Variants in GAK observed in about 807,000 individuals in gnomAD.
GAK encodes cyclin-G-associated kinase.
In GAK, 79 loss-of-function variants were observed where a neutral mutation model predicts 143.9. The ratio of observed to expected loss-of-function variants is 0.55; its 90% CI spans 0.46 to 0.66. The LOEUF is 0.66. GAK is among the 30% of genes least tolerant of loss of function. The pLI is 0.00. For missense variants in GAK, 1,693 were observed against 1,779.7 expected (o/e 0.95, Z 0.88); for synonymous variants, 881 against 765.5 (o/e 1.15, Z -2.49).
intron 4 of GAK, among the ~76,000 whole-genome samples, chr4:909,490 C>T (rs926728803): frequency 1.3e-5 from 2 of 151,784 alleles, no homozygotes; most frequent in East Asian, 3.9e-4. Context: ...CAGCCCAGCA[C>T]GGACTGCATG....
rs766995223 is a variant in GAK at position 870,923 on chromosome 4, A to G, written c.2055-19T>C. ...GTCATACCTGCGGTTACAAGTAGAC[A>G]CCACTTAGGAAGGCCACCCAAGTAG... On this transcript the variant is annotated intron_variant, in intron 18 of 27. Coordinates refer to ENST00000314167, the MANE Select transcript of GAK (RefSeq NM_005255.4). The G allele has an allele frequency of 1.9e-6, 3 of 1,593,080 alleles. No individual in the cohort carries two copies. Among genetic ancestry groups the G allele is most frequent in the Admixed American group, 3.6e-5 (2 of 55,942 alleles).
intron 20 of GAK, among the ~76,000 whole-genome samples, chr4:868,223 C>T (rs1328021676): frequency 1.3e-5 from 2 of 152,208 alleles, no homozygotes; most frequent in African/African-American, 4.8e-5. Flanking sequence ...CAGGCCCTTC[C>T]CCTGTACCCA....
intron 1 of GAK, among the ~76,000 whole-genome samples, chr4:931,071 C>T (rs905960583): frequency 6.6e-6 from 1 of 152,180 alleles, no homozygotes; most frequent in African/African-American, 2.4e-5. Flanking sequence ...ACTTCACAGC[C>T]AGTGAAATAT....
In GAK at chr4:850,042, C is replaced by T; in HGVS notation, c.3684G>A (p.Glu1228=). 2 of 1,593,960 alleles carry T rather than the reference C, an allele frequency of 1.3e-6. No homozygotes were observed. Among genetic ancestry groups the T allele is most frequent in the South Asian group, 1.1e-5 (1 of 89,312 alleles). ...LKLLDWIEGK[E]RNIRALLSTL... is the part of the protein sequence containing the mutation. ...TGGACAGCAGGGCCCGGATGTTCCGCTCCTTGCCCTCAATCCAGTCCAGGA... is the reference window on the plus strand; with the variant it reads ...TGGACAGCAGGGCCCGGATGTTCCGTTCCTTGCCCTCAATCCAGTCCAGGA... Residue 1228 remains glutamate, a synonymous_variant, in exon 27 of 28, where the codon GAG becomes GAA. Coordinates refer to ENST00000314167, the MANE Select transcript of GAK (RefSeq NM_005255.4).
rs540483728 is a variant in GAK, at chr4:874,284, C to G, written c.2054+2246G>C. Among the ~76,000 whole-genome samples the G allele has an allele frequency of 1.6e-3, 245 of 152,298 alleles. 1 individual carries two copies. Among genetic ancestry groups the G allele is most frequent in the Non-Finnish European group, 2.7e-3 (181 of 68,024 alleles). On this transcript the variant is annotated intron_variant, in intron 18 of 27. Coordinates refer to ENST00000314167, the MANE Select transcript of GAK (RefSeq NM_005255.4). ...AGGACGTTAGTATTGGTGTTTTAAG[C>G]AGCTGGTGCTGGTGTCATTTCACCA...
chr4:874,310 CAG>C (rs1346135086), intron 18 of GAK, among the ~76,000 whole-genome samples: 3 of 152,226 alleles, frequency 2.0e-5, no homozygotes, highest in Admixed American at 6.5e-5. Flanking sequence ...CATTTCACCA[CAG>C]AGTCATGCAT....
At chr4:895,271 C>T (rs745494979) in intron 7 of GAK, among the ~76,000 whole-genome samples, 3 of 152,222 alleles carry the variant, frequency 2.0e-5, no homozygotes, top group South Asian at 4.1e-4. Flanking sequence ...AGCGACTTCT[C>T]GTCAATCACC....
chr4:905,506 C>A lies in GAK; in HGVS notation c.383-727G>T, dbSNP rs959339126. On this transcript the variant is annotated intron_variant, in intron 4 of 27. Coordinates refer to ENST00000314167, the MANE Select transcript of GAK (RefSeq NM_005255.4). ...ACGGACTCCGCCACGCCCCATGCCA[C>A]GCTACGGACTCCGCCACGCCCCATG... Among the ~76,000 whole-genome samples, 3 of 149,794 alleles carry A rather than the reference C, an allele frequency of 2.0e-5. No homozygotes were observed. In the South Asian group the frequency reaches 6.4e-4, roughly 32 times the overall value.
chr4:912,203 A>C (rs1722168515), intron 3 of GAK: 1 of 453,504 alleles, frequency 2.2e-6, no homozygotes, highest in Non-Finnish European at 4.5e-6. Context: ...GCAGAGTCTG[A>C]GGGCAGCCAG....
chr4:890,129 G>C (rs923168632), intron 10 of GAK, among the ~76,000 whole-genome samples: 1 of 152,244 alleles, frequency 6.6e-6, no homozygotes, highest in Non-Finnish European at 1.5e-5. Flanking sequence ...AGGGGTGTCT[G>C]TTTCCCTGGG....
At position 867,381 on chromosome 4, in the gene GAK, T is replaced by C. The variant is rs1751396201; in HGVS notation, c.2447A>G (p.Glu816Gly). The C allele has an allele frequency of 2.5e-6, 4 of 1,573,906 alleles. No individual in the cohort carries two copies. In the East Asian group the frequency reaches 6.8e-5, roughly 27 times the overall value. The change falls in exon 21 of 28, where the codon GAG becomes GGG. Residue 816 changes from glutamate (E) to glycine (G), a missense_variant. Coordinates refer to ENST00000314167, the MANE Select transcript of GAK (RefSeq NM_005255.4). Reference sequence around the variant, plus strand: ...GTCTCTGTCCTCCATCAGGGCAGACTCGCTCTCCTTGGAAGAGGCATTTTC... The same window carrying C: ...GTCTCTGTCCTCCATCAGGGCAGACCCGCTCTCCTTGGAAGAGGCATTTTC... ...GAENASSKES[E>G]SALMEDRDES...
At chr4:865,353 C>A in intron 22 of GAK, 109 bp from the exon 23 acceptor site, 1 of 1,391,238 alleles carries the variant, frequency 7.2e-7, no homozygotes, top group Non-Finnish European at 9.9e-7. Context: ...CCTCTTGCAC[C>A]CAGGCTGAGC....
intron 24 of GAK, among the ~76,000 whole-genome samples, chr4:858,949 C>T (rs1269386908): frequency 6.6e-6 from 1 of 152,246 alleles, no homozygotes; most frequent in Non-Finnish European, 1.5e-5. Flanking sequence ...AGCCACTTCC[C>T]ACCCAGCATT....
At chr4:882,368 CACT>C (rs1715313006) in intron 14 of GAK, among the ~76,000 whole-genome samples, 1 of 152,216 alleles carries the variant, frequency 6.6e-6, no homozygotes, top group Non-Finnish European at 1.5e-5. Context: ...GCTCAAGCAC[CACT>C]AAGCCTCGAG....
At chr4:914,364 C>A (rs1238770096) in intron 1 of GAK, among the ~76,000 whole-genome samples, 12 of 111,570 alleles carry the variant, frequency 1.1e-4, no homozygotes, top group Non-Finnish European at 1.3e-4. Context: ...CCAGCGTGCA[C>A]GGCCCCCACA....
In GAK at chr4:927,911, C is replaced by T. The variant is rs562242055; in HGVS notation, c.145+4132G>A. ...AGCAAGGATGACAGAACCCTGGTGGCTAAGAGAACAGCACAGAGCTGCAGA... is the reference window on the plus strand; with the variant it reads ...AGCAAGGATGACAGAACCCTGGTGGTTAAGAGAACAGCACAGAGCTGCAGA... On this transcript the variant is annotated intron_variant, in intron 1 of 27. Coordinates refer to ENST00000314167, the MANE Select transcript of GAK (RefSeq NM_005255.4). 3.3e-5 allele frequency among the ~76,000 whole-genome samples: 5 copies of T among 152,328 alleles called. No individual in the cohort carries two copies. In the East Asian group the frequency reaches 9.7e-4, roughly 29 times the overall value.
chr4:862,808 C>G (rs1750535016), intron 23 of GAK, among the ~76,000 whole-genome samples: 1 of 152,188 alleles, frequency 6.6e-6, no homozygotes, highest in Non-Finnish European at 1.5e-5. Context: ...AGATTCCTTT[C>G]AAAATATGAC....
At chr4:910,477 A>G (rs1721858686) in intron 4 of GAK, among the ~76,000 whole-genome samples, 1 of 149,338 alleles carries the variant, frequency 6.7e-6, no homozygotes, top group Admixed American at 6.7e-5. Flanking sequence ...GTCCCCCCTC[A>G]GCTCAGAACC....
chr4:892,068 C>T (rs546777285), intron 9 of GAK, among the ~76,000 whole-genome samples: 26 of 152,246 alleles, frequency 1.7e-4, no homozygotes, highest in East Asian at 1.4e-3. Context: ...TGTACCCACG[C>T]GGCCCCCAAG....
Sources: allele counts gnomAD v4.1 joint callset (sites outside exome capture counted in the v4.1 genomes callset), GRCh38; gene constraint gnomAD v4.1.1; transcripts MANE v1.5; gene names NCBI Gene and HGNC (gene_info 2026-07-23, HGNC 2026-07-21).